The following DDX50 variants were observed in gnomAD, a reference collection of about 807,000 sequenced individuals.
DDX50 encodes ATP-dependent RNA helicase DDX50.
Under a neutral mutation model 94.8 loss-of-function variants are expected in DDX50, and 56 were observed. The ratio of observed to expected loss-of-function variants is 0.59; its 90% confidence interval spans 0.48 to 0.74. The LOEUF (loss-of-function observed/expected upper bound fraction) is 0.74, where lower values mean the gene tolerates loss of function less well. DDX50 is among the 30% of genes least tolerant of loss of function. The pLI, the probability that DDX50 is intolerant of heterozygous loss-of-function variation, is 0.00. For missense variants in DDX50, 713 were observed against 881.2 expected (o/e 0.81, Z 2.42); for synonymous variants, 264 against 295.4 (o/e 0.89, Z 1.09).
intron 12 of DDX50, among the ~76,000 whole-genome samples, chr10:68,940,077 G>T (rs1842519862): frequency 6.6e-6 from 1 of 152,060 alleles, no homozygotes; most frequent in Non-Finnish European, 1.5e-5. Context: ...TTTTGCTTAT[G>T]TAACACTCCT....
intron 8 of DDX50, among the ~76,000 whole-genome samples, chr10:68,923,424 T>C (rs1841995242): frequency 1.3e-5 from 2 of 151,454 alleles, no homozygotes; most frequent in South Asian, 2.1e-4. Context: ...CCCAGGCTGC[T>C]CTCAGTCCTG....
chr10:68,931,447 A>ACACACACACACACAC (rs10525578), intron 8 of DDX50, among the ~76,000 whole-genome samples: 12 of 134,958 alleles, frequency 8.9e-5, no homozygotes, highest in South Asian at 2.4e-4. Flanking sequence ...ACACACACAC[A>ACACACACACACACAC]ATTTTTTTTT....
chr10:68,943,341 T>C (rs1265115441), intron 14 of DDX50, 84 bp downstream of exon 14: 3 of 1,121,628 alleles, frequency 2.7e-6, no homozygotes, highest in Non-Finnish European at 3.9e-6. Context: ...ATAGTCACAA[T>C]GTCATTATCA....
chr10:68,927,448 C>T (rs906763457), intron 8 of DDX50, among the ~76,000 whole-genome samples: 2 of 152,090 alleles, frequency 1.3e-5, no homozygotes, highest in Non-Finnish European at 2.9e-5. Flanking sequence ...CTGATTCTTA[C>T]TCTACATATT....
At chr10:68,901,551 G>A (rs1841287818) in intron 1 of DDX50, 80 bp downstream of exon 1, 1 of 1,436,146 alleles carries the variant, frequency 7.0e-7, no homozygotes, top group African/African-American at 1.4e-5. Context: ...CCTGATGATG[G>A]CCTGTCAGAA....
rs746120212 is a variant in DDX50, at chr10:68,906,762, A to T, written c.139A>T (p.Thr47Ser). The T allele has an allele frequency of 6.2e-7, 1 of 1,612,366 alleles. No individual in the cohort carries two copies. Among genetic ancestry groups the T allele is most frequent in the Non-Finnish European group, 8.5e-7 (1 of 1,179,666 alleles). The change falls in exon 2 of 15, where the codon ACA (threonine) becomes TCA (serine). Residue 47 changes from threonine (T) to serine (S), a missense_variant. Thr to Ser is a moderately conservative substitution (Grantham distance 58). Coordinates refer to ENST00000373585, the MANE Select transcript of DDX50 (RefSeq NM_024045.2). ...TTATGACTCGGATGAGAAATCAGAA[A>T]CAAGAGAAAATGGTGTTACAGATGA... ...HHYDSDEKSE[T>S]RENGVTDDLD... is the part of the protein sequence containing the mutation.
intron 3 of DDX50, 135 bp downstream of exon 3, chr10:68,910,517 C>T (rs1480678944): frequency 9.7e-6 from 6 of 615,610 alleles, no homozygotes; most frequent in East Asian, 3.2e-5. Context: ...ATTCTCCTAC[C>T]TCAGCCTGCT....
At chr10:68,918,020 G>A (rs1052639570) in intron 7 of DDX50, among the ~76,000 whole-genome samples, 4 of 152,078 alleles carry the variant, frequency 2.6e-5, no homozygotes, top group African/African-American at 9.7e-5. Flanking sequence ...TGCCTCCGGG[G>A]TTCAAGCGAT....
In DDX50 at chr10:68,934,993, T is replaced by G; in HGVS notation, c.1521+75T>G. 6.7e-7 allele frequency: 1 copy of G among 1,497,652 alleles called. No individual in the cohort carries two copies. Among genetic ancestry groups the G allele is most frequent in the Non-Finnish European group, 8.9e-7 (1 of 1,121,728 alleles). 92.8% of individuals were successfully genotyped at this position (1,497,652 alleles called of 1,614,324 possible). A position where few individuals can be genotyped will look rare whatever the true frequency, so the allele number is the denominator to read the frequency against. On this transcript the variant is annotated intron_variant, in intron 10 of 14. Transcript: ENST00000373585. This position sits in a 1 kb window ranked among gnomAD's most constrained non-coding sequence, Gnocchi z 4.0. ...AAGAGAGCTCTTCTTATATTTATTC[T>G]TACAAGTAGGTCTTCATAACTTTTC...
In DDX50 at chr10:68,946,527, A is replaced by G. The variant is rs2132069949; in HGVS notation, c.2111A>G (p.Gln704Arg). The change falls in exon 15 of 15, where the codon CAG becomes CGG. Residue 704 changes from glutamine to arginine, a missense_variant. By Grantham distance (43) the Gln-to-Arg change is conservative. Around this residue, in one of 2 missense-constraint regions of DDX50, gnomAD observed 428 missense variants for 602.3 expected, o/e 0.71. Coordinates refer to ENST00000373585, the MANE Select transcript of DDX50 (RefSeq NM_024045.2). ...CGATCTGGCGGCCGGTCAGGTAGAC[A>G]GAGTCGACAAGGAAGTCGCTCAGGA... is the stretch of plus-strand genomic sequence containing the variant. ...GGRSGGRSGR[Q>R]SRQGSRSGSR... The G allele has an allele frequency of 1.2e-6, 2 of 1,614,238 alleles. No homozygotes were observed. Among genetic ancestry groups the G allele is most frequent in the Non-Finnish European group, 1.7e-6 (2 of 1,180,044 alleles).
chr10:68,936,877 C>T (rs1842434532), intron 11 of DDX50, 59 bp from the exon 12 acceptor site: 3 of 1,463,418 alleles, frequency 2.0e-6, no homozygotes, highest in Non-Finnish European at 2.8e-6. Context: ...TCCCATTTTT[C>T]TTCTTATCTT....
chr10:68,945,785 A>T (rs1842656481), intron 14 of DDX50, among the ~76,000 whole-genome samples: 1 of 152,052 alleles, frequency 6.6e-6, no homozygotes, highest in Non-Finnish European at 1.5e-5. Flanking sequence ...CTTGTATTTA[A>T]TCTCCATCAT....
At chr10:68,945,471 TA>T (rs1322078175) in intron 14 of DDX50, among the ~76,000 whole-genome samples, 2 of 152,072 alleles carry the variant, frequency 1.3e-5, no homozygotes, top group African/African-American at 2.4e-5. Flanking sequence ...CATGCCCGGC[TA>T]ATTTTTGTAT....
chr10:68,935,982 TTAATG>T lies in DDX50; in HGVS notation c.1522-20_1522-16del. The T allele has an allele frequency of 2.0e-6, 3 of 1,512,440 alleles. No homozygotes were observed. Among genetic ancestry groups the T allele is most frequent in the Non-Finnish European group, 2.7e-6 (3 of 1,108,186 alleles). The allele number at this position is 1,512,440 out of a possible 1,614,324, so 93.7% of individuals were successfully genotyped here. A position where few individuals can be genotyped will look rare whatever the true frequency, so the allele number is the denominator to read the frequency against. On this transcript the variant is annotated intron_variant, in intron 10 of 14. Coordinates refer to ENST00000373585, the MANE Select transcript of DDX50 (RefSeq NM_024045.2). ...TAATTGTAAAGACTTCCATTTTTCTTTAATGTAACTCTTTCATTTTCAGGGAATTA... is the reference window on the plus strand; with the variant it reads ...TAATTGTAAAGACTTCCATTTTTCTTTAACTCTTTCATTTTCAGGGAATTA...
Position 68,934,092 on chromosome 10 carries a change from CA to C in DDX50, c.1240-104del. On this transcript the variant is annotated intron_variant, in intron 8 of 14. Transcript: ENST00000373585. This position sits in a 1 kb window ranked among gnomAD's most constrained non-coding sequence, Gnocchi z 4.0. ...AGTAAGCATGCATTGTTAAAATCAT[CA>C]AAGTAAGATTTAAAAACATGCAAAA... 1 of 1,109,104 alleles carries C rather than the reference CA, an allele frequency of 9.0e-7. No individual in the cohort carries two copies. Among genetic ancestry groups the C allele is most frequent in the Non-Finnish European group, 1.2e-6 (1 of 817,370 alleles). 68.7% of individuals were successfully genotyped at this position (1,109,104 alleles called of 1,614,324 possible).
chr10:68,946,535 C>G lies in DDX50; in HGVS notation c.2119C>G (p.Gln707Glu). 6.2e-7 allele frequency: 1 copy of G among 1,614,128 alleles called. No homozygotes were observed. The highest frequency in any genetic ancestry group is 8.5e-7 in the Non-Finnish European group (1 of 1,180,022). Residue 707 changes from glutamine to glutamate, a missense_variant, in exon 15 of 15, where the codon CAA becomes GAA. This residue lies in a region of DDX50 where 428 missense variants were observed against 602.3 expected (regional missense o/e 0.71). Transcript: ENST00000373585. ...SGGRSGRQSR[Q>E]GSRSGSRQDG... The stretch of plus-strand genomic sequence containing the variant: ...CGGCCGGTCAGGTAGACAGAGTCGA[C>G]AAGGAAGTCGCTCAGGAAGTCGACA...
chr10:68,930,114 CT>C (rs34023657), intron 8 of DDX50, among the ~76,000 whole-genome samples: 4,114 of 99,714 alleles, frequency 0.041, 33 homozygotes, highest in Non-Finnish European at 0.053. Flanking sequence ...CTTTCCTTTC[CT>C]TTTTTTTTTT....
At chr10:68,931,272 A>G (rs1339052900) in intron 8 of DDX50, among the ~76,000 whole-genome samples, 7 of 151,384 alleles carry the variant, frequency 4.6e-5, no homozygotes, top group African/African-American at 1.7e-4. Flanking sequence ...TTTGTGGAGT[A>G]AATAGGTGGT....
intron 8 of DDX50, among the ~76,000 whole-genome samples, chr10:68,931,392 A>T (rs12250386): frequency 0.05 from 4,317 of 85,642 alleles, 336 homozygotes; most frequent in African/African-American, 0.17. Context: ...TAAAAAAAAA[A>T]ATATATATAT....
Sources: allele counts gnomAD v4.1 joint callset (sites outside exome capture counted in the v4.1 genomes callset), GRCh38; gene constraint gnomAD v4.1.1; regional missense constraint gnomAD v4.1.1; non-coding constraint Gnocchi (gnomAD v3.1); transcripts MANE v1.5; gene names NCBI Gene and HGNC (gene_info 2026-07-23, HGNC 2026-07-21).